NRG1: variants seen among roughly 807,000 people sequenced by gnomAD.
NRG1 encodes the protein neuregulin 1.
NRG1 carries 18 observed loss-of-function variants against 63.8 expected under a neutral mutation model. The observed-to-expected ratio is 0.28, with a 90% CI of 0.19 to 0.42. NRG1 has a LOEUF of 0.42. NRG1 is among the 10% of genes least tolerant of loss of function. The probability of loss-of-function intolerance (pLI) is 1.00; values close to 1 mark genes in which losing one functional copy is unlikely to be tolerated. For missense variants in NRG1, 762 were observed against 814.7 expected (o/e 0.94, Z 0.79); for synonymous variants, 302 against 301.3 (o/e 1.00, Z -0.02).
upstream of NRG1, among the ~76,000 whole-genome samples, chr8:32,544,757 A>G (rs1832916766): frequency 2.2e-5 from 3 of 137,140 alleles, no homozygotes; most frequent in South Asian, 6.7e-4. Flanking sequence ...TCCTGGGCTC[A>G]AGCAATCCAC....
Position 31,771,392 on chromosome 8 carries a change from G to A in NRG1, c.37+131961G>A, listed in dbSNP as rs551463661. On this transcript the variant is annotated intron_variant, in intron 1 of 10. Coordinates refer to the NRG1 transcript ENST00000519301. ...ATTCATGTGTGTTGAAGGGCATTTGGGTTTTTTTCCCCCAATTTGGGGCTA... is the reference window on the plus strand; with the variant it reads ...ATTCATGTGTGTTGAAGGGCATTTGAGTTTTTTTCCCCCAATTTGGGGCTA... 2.6e-5 allele frequency among the ~76,000 whole-genome samples: 4 copies of A among 151,982 alleles called. 1 individual carries two copies. Among genetic ancestry groups the A allele is most frequent in the African/African-American group, 7.2e-5 (3 of 41,466 alleles).
intron 1 of NRG1, among the ~76,000 whole-genome samples, chr8:31,651,421 AT>A (rs1804828410): frequency 6.6e-6 from 1 of 152,300 alleles, no homozygotes; most frequent in Non-Finnish European, 1.5e-5. Flanking sequence ...CTGTGAATTT[AT>A]TTTTACAATG....
chr8:32,771,631 A>G (rs1831797982), downstream of NRG1, among the ~76,000 whole-genome samples: 1 of 149,310 alleles, frequency 6.7e-6, no homozygotes, highest in East Asian at 2.0e-4. Context: ...AGAATGAACA[A>G]AAATGATCTT....
chr8:32,540,416 T>C lies in NRG1; in HGVS notation c.38-55412T>C, dbSNP rs150367471. Among the ~76,000 whole-genome samples, 871 of 152,334 alleles carry C rather than the reference T, an allele frequency of 5.7e-3. 4 individuals carry two copies. The highest frequency in any genetic ancestry group is 0.02 in the African/African-American group (820 of 41,582). ...AATAAAAATGACTTCCATGTCATTC[T>C]GTCAGACTATCTTTTGGAAAAAACA... On this transcript the variant is annotated intron_variant, in intron 1 of 10. Coordinates refer to the NRG1 transcript ENST00000519301.
intron 1 of NRG1, among the ~76,000 whole-genome samples, chr8:32,284,694 C>A (rs1853317256): frequency 6.6e-6 from 1 of 152,082 alleles, no homozygotes; most frequent in Non-Finnish European, 1.5e-5. Flanking sequence ...GCACGCTTGG[C>A]TAATTCTTTT....
intron 1 of NRG1, among the ~76,000 whole-genome samples, chr8:32,379,886 G>T (rs1346098555): frequency 6.6e-6 from 1 of 152,200 alleles, no homozygotes; most frequent in Non-Finnish European, 1.5e-5. Flanking sequence ...CCCGTATCAT[G>T]AATACCTCTC....
At chr8:32,622,687 G>A (rs1222075415) in intron 5 of NRG1, among the ~76,000 whole-genome samples, 2 of 152,168 alleles carry the variant, frequency 1.3e-5, no homozygotes, top group Non-Finnish European at 2.9e-5. Context: ...AAGCCACCAT[G>A]CCTGGCCCCG....
intron 1 of NRG1, among the ~76,000 whole-genome samples, chr8:32,551,874 AC>A (rs1426885097): frequency 6.8e-6 from 1 of 147,524 alleles, no homozygotes; most frequent in African/African-American, 2.5e-5. Flanking sequence ...AGCTCAACAG[AC>A]TTTTTCTCTT....
chr8:32,642,110 A>G (rs962442755), intron 5 of NRG1, among the ~76,000 whole-genome samples: 3 of 152,228 alleles, frequency 2.0e-5, no homozygotes, highest in African/African-American at 4.8e-5. Context: ...ATAAGGAAGT[A>G]TCTGAATAGG....
intron 1 of NRG1, among the ~76,000 whole-genome samples, chr8:32,302,380 A>G (rs1855674687): frequency 1.3e-5 from 2 of 152,224 alleles, no homozygotes; most frequent in South Asian, 2.1e-4. Flanking sequence ...GTCCTAGCTA[A>G]TAGGTCAGTG....
At chr8:32,676,192 T>C (rs1807069387) in intron 5 of NRG1, among the ~76,000 whole-genome samples, 1 of 152,162 alleles carries the variant, frequency 6.6e-6, no homozygotes, top group Non-Finnish European at 1.5e-5. Flanking sequence ...CTGGTGACAC[T>C]CAGGTCAGTG....
chr8:32,541,507 G>GAAAAA (rs35243395), intron 1 of NRG1, among the ~76,000 whole-genome samples: 3 of 144,098 alleles, frequency 2.1e-5, no homozygotes, highest in African/African-American at 2.6e-5. Flanking sequence ...GAACATACAG[G>GAAAAA]AAAAAAAAAA....
chr8:32,581,148 T>G (rs1285878245), intron 1 of NRG1, among the ~76,000 whole-genome samples: 3 of 152,084 alleles, frequency 2.0e-5, no homozygotes, highest in African/African-American at 7.3e-5. Flanking sequence ...ATTCTATATG[T>G]CCAGTACTTA....
At chr8:32,664,882 A>C (rs1781654141) in intron 5 of NRG1, among the ~76,000 whole-genome samples, 1 of 152,156 alleles carries the variant, frequency 6.6e-6, no homozygotes, top group Admixed American at 6.6e-5. Context: ...CTAAGTCTTT[A>C]TGTATTTATT....
At chr8:32,022,666 G>T (rs1026705393) in intron 1 of NRG1, among the ~76,000 whole-genome samples, 1 of 151,978 alleles carries the variant, frequency 6.6e-6, no homozygotes, top group Non-Finnish European at 1.5e-5. Context: ...TTTATATGAC[G>T]TATACAATCA....
At chr8:32,079,102 A>T (rs892873971) in intron 1 of NRG1, among the ~76,000 whole-genome samples, 1 of 151,712 alleles carries the variant, frequency 6.6e-6, no homozygotes, top group Admixed American at 6.6e-5. Flanking sequence ...GATTGGAACT[A>T]GGACTAATGG....
Position 32,649,025 on chromosome 8 carries a change from C to G in NRG1, c.502+32140C>G, listed in dbSNP as rs372325028. On this transcript the variant is annotated intron_variant, in intron 5 of 11. Transcript: ENST00000356819. Reference sequence around the variant, plus strand: ...GTTAGTGAGCACTTACTAGTGGCAGCTTTATTTTGTCCAGGACACAGTAGG... The same window carrying G: ...GTTAGTGAGCACTTACTAGTGGCAGGTTTATTTTGTCCAGGACACAGTAGG... Among the ~76,000 whole-genome samples, 6 of 152,318 alleles carry G rather than the reference C, an allele frequency of 3.9e-5. No individual in the cohort carries two copies. In the South Asian group the frequency reaches 1.2e-3, roughly 32 times the overall value.
intron 5 of NRG1, among the ~76,000 whole-genome samples, chr8:32,650,698 T>C (rs1394548361): frequency 1.3e-5 from 2 of 150,690 alleles, no homozygotes; most frequent in African/African-American, 2.4e-5. Flanking sequence ...AAAGGGATTG[T>C]ATTTTTCAAC....
intron 1 of NRG1, among the ~76,000 whole-genome samples, chr8:32,550,831 C>T (rs1255852888): frequency 6.6e-6 from 1 of 152,192 alleles, no homozygotes; most frequent in East Asian, 1.9e-4. Context: ...GCTTAACTGT[C>T]TTCCCTGAAA....
Sources: allele counts gnomAD v4.1 joint callset (sites outside exome capture counted in the v4.1 genomes callset), GRCh38; gene constraint gnomAD v4.1.1; transcripts MANE v1.5; gene names NCBI Gene and HGNC (gene_info 2026-07-23, HGNC 2026-07-21).